The following PSD3 variants were observed in gnomAD, a reference collection of about 807,000 sequenced individuals.
PSD3 encodes the protein pleckstrin and Sec7 domain containing 3.
A neutral mutation model predicts 105.5 loss-of-function variants in PSD3; 49 were observed. That is an observed-to-expected ratio of 0.46 (90% CI 0.37 to 0.59). PSD3 has a LOEUF of 0.59. Ranked by LOEUF, PSD3 falls within the 20% of genes least tolerant of loss-of-function variation. PSD3 has a pLI of 0.00. For synonymous variants in PSD3, 557 were observed against 457.8 expected (o/e 1.22, Z -2.77); for missense variants, 1,561 against 1,263.8 (o/e 1.24, Z -3.57).
chr8:18,596,748 A>C (rs1260615385), intron 12 of PSD3, among the ~76,000 whole-genome samples: 1 of 122,850 alleles, frequency 8.1e-6, no homozygotes, highest in Non-Finnish European at 2.0e-5. Flanking sequence ...AATTACTAGA[A>C]ACCTACAATC....
intron 1 of PSD3, among the ~76,000 whole-genome samples, chr8:19,023,393 C>CTATTTATTTATT (rs141650647): frequency 4.8e-4 from 69 of 145,092 alleles, no homozygotes; most frequent in Admixed American, 1.3e-3. Context: ...AATATAGCCA[C>CTATTTATTTATT]TATTTATTTA....
At chr8:18,784,742 C>T (rs76512351) in intron 8 of PSD3, among the ~76,000 whole-genome samples, 3,255 of 152,196 alleles carry the variant, frequency 0.021, 157 homozygotes, top group East Asian at 0.14. Context: ...TGAAAAGGTC[C>T]TAAGTGTTGG....
At chr8:18,727,551 A>AACACACAC (rs56410753) in intron 9 of PSD3, among the ~76,000 whole-genome samples, 2,841 of 137,644 alleles carry the variant, frequency 0.021, 62 homozygotes, top group Admixed American at 0.041. Flanking sequence ...AAAAAATCCA[A>AACACACAC]ACACACACAC....
chr8:18,908,641 T>A (rs913444337), intron 2 of PSD3, among the ~76,000 whole-genome samples: 3 of 152,198 alleles, frequency 2.0e-5, no homozygotes, highest in African/African-American at 7.2e-5. Context: ...CTGTGCAGGA[T>A]CTTCAGCATG....
chr8:18,668,609 C>G (rs529372872), intron 9 of PSD3, among the ~76,000 whole-genome samples: 18 of 152,222 alleles, frequency 1.2e-4, no homozygotes, highest in Non-Finnish European at 2.1e-4. Flanking sequence ...TCAGACAGGT[C>G]TTTCCTAAGC....
At position 18,632,604 on chromosome 8, in the gene PSD3, G is replaced by C; in HGVS notation, c.2410+9C>G. ...AATGAAATAGAAAATGACAACGCAT[G>C]ATACTTACTCTTCTTTCCATCCATA... On this transcript the variant is annotated intron_variant, in intron 11 of 15. Coordinates refer to ENST00000327040, the MANE Select transcript of PSD3 (RefSeq NM_015310.4). 6.3e-7 allele frequency: 1 copy of C among 1,599,870 alleles called. No individual in the cohort carries two copies.
intron 11 of PSD3, among the ~76,000 whole-genome samples, chr8:18,618,872 G>C (rs573568124): frequency 1.3e-4 from 20 of 152,136 alleles, no homozygotes; most frequent in African/African-American, 4.6e-4. Context: ...ATTTTGTAGA[G>C]ATGGGGTCTT....
chr8:18,748,762 C>A (rs1004803320), intron 9 of PSD3, among the ~76,000 whole-genome samples: 1 of 151,116 alleles, frequency 6.6e-6, no homozygotes. Flanking sequence ...GACCTGCCAA[C>A]ATGACCTCAT....
At chr8:18,570,513 A>G (rs199575029) in intron 14 of PSD3, among the ~76,000 whole-genome samples, 14,238 of 148,448 alleles carry the variant, frequency 0.096, 717 homozygotes, top group South Asian at 0.21. Flanking sequence ...AAAAGAAACT[A>G]CCATCAGAGT....
intron 1 of PSD3, among the ~76,000 whole-genome samples, chr8:18,957,090 G>A (rs547887213): frequency 5.6e-4 from 85 of 152,102 alleles, no homozygotes; most frequent in Non-Finnish European, 1.0e-3. Context: ...GTAAACAATC[G>A]GCTGGGCATG....
At chr8:18,596,922 AACTGTTC>A (rs1804145789) in intron 12 of PSD3, among the ~76,000 whole-genome samples, 1 of 152,162 alleles carries the variant, frequency 6.6e-6, no homozygotes, top group Non-Finnish European at 1.5e-5. Flanking sequence ...ATCATTCTCA[AACTGTTC>A]CAAAAAATTG....
At chr8:18,904,361 A>T (rs1160717038) in intron 2 of PSD3, among the ~76,000 whole-genome samples, 1 of 152,208 alleles carries the variant, frequency 6.6e-6, no homozygotes, top group Non-Finnish European at 1.5e-5. Flanking sequence ...AGCTGCAGGC[A>T]TTGCACTCCA....
rs529670443 is a variant in PSD3 at position 18,688,349 on chromosome 8, G to A, written c.2173-32664C>T. On this transcript the variant is annotated intron_variant, in intron 9 of 15. Coordinates refer to ENST00000327040, the MANE Select transcript of PSD3 (RefSeq NM_015310.4). ...TGGTCTCAAGCGATACTCCTGCCTCGGCCTCTCAAAGTGCTGGGATTATGG... is the reference window on the plus strand; with the variant it reads ...TGGTCTCAAGCGATACTCCTGCCTCAGCCTCTCAAAGTGCTGGGATTATGG... Among the ~76,000 whole-genome samples, 7 of 151,854 alleles carry A rather than the reference G, an allele frequency of 4.6e-5. No individual in the cohort carries two copies. The South Asian group carries it at 6.2e-4, about 14-fold the overall frequency.
rs61667418 is a variant in PSD3 at position 18,877,539 on chromosome 8, CTT to C, written c.131-4808_131-4807del. Reference sequence around the variant, plus strand: ...CAAGTCCATTGAGCTAGATGCCTATCTTTTTTTTTTTTTTTTCTTTTTGACAG... The same window carrying C: ...CAAGTCCATTGAGCTAGATGCCTATCTTTTTTTTTTTTTTCTTTTTGACAG... On this transcript the variant is annotated intron_variant, in intron 2 of 15. Transcript: ENST00000327040. Among the ~76,000 whole-genome samples the C allele has an allele frequency of 8.3e-4, 114 of 138,136 alleles. 1 individual carries two copies. The highest frequency in any genetic ancestry group is 2.4e-3 in the African/African-American group (87 of 35,894). 90.6% of individuals were successfully genotyped at this position (138,136 alleles called of 152,430 possible). A position where few individuals can be genotyped will look rare whatever the true frequency, so the allele number is the denominator to read the frequency against.
chr8:19,036,550 A>G (rs1489075931), intron 1 of PSD3, among the ~76,000 whole-genome samples: 1 of 152,190 alleles, frequency 6.6e-6, no homozygotes, highest in African/African-American at 2.4e-5. Flanking sequence ...ACAAAGTACT[A>G]AAGAAACACA....
intron 8 of PSD3, among the ~76,000 whole-genome samples, chr8:18,792,938 A>G (rs1586013977): frequency 6.6e-6 from 1 of 152,204 alleles, no homozygotes; most frequent in East Asian, 1.9e-4. Context: ...AATGTCCATC[A>G]ATGATAGACT....
intron 2 of PSD3, among the ~76,000 whole-genome samples, 192 bp from the exon 3 acceptor site, chr8:18,872,925 G>C (rs1015565592): frequency 5.9e-5 from 9 of 152,042 alleles, no homozygotes; most frequent in Non-Finnish European, 1.3e-4. Flanking sequence ...CTCAGCCTAC[G>C]CGAGTATAAC....
At chr8:18,625,753 C>G (rs1806429848) in intron 11 of PSD3, among the ~76,000 whole-genome samples, 1 of 152,138 alleles carries the variant, frequency 6.6e-6, no homozygotes, top group Admixed American at 6.6e-5. Context: ...GGTTAAGATG[C>G]TTAGGATCAG....
intron 9 of PSD3, among the ~76,000 whole-genome samples, chr8:18,709,141 C>G (rs556814711): frequency 6.6e-6 from 1 of 152,098 alleles, no homozygotes; most frequent in Non-Finnish European, 1.5e-5. Flanking sequence ...CACTGTGGCT[C>G]CAATTGGCCG....
Sources: allele counts gnomAD v4.1 joint callset (sites outside exome capture counted in the v4.1 genomes callset), GRCh38; gene constraint gnomAD v4.1.1; transcripts MANE v1.5; gene names NCBI Gene and HGNC (gene_info 2026-07-23, HGNC 2026-07-21).